The following RYR2 variants were observed in gnomAD, a reference collection of about 807,000 sequenced individuals.
RYR2 encodes ryanodine receptor 2.
RYR2 carries 227 observed loss-of-function variants against 601.1 expected under a neutral mutation model. That is an observed-to-expected ratio of 0.38 (90% CI 0.34 to 0.42). The LOEUF (loss-of-function observed/expected upper bound fraction) is 0.42, where lower values mean the gene tolerates loss of function less well. Ranked by LOEUF, RYR2 falls within the 10% of genes least tolerant of loss-of-function variation. The pLI is 1.00. For missense variants in RYR2, 4,646 were observed against 6,156.5 expected (o/e 0.75, Z 8.21); for synonymous variants, 2,223 against 2,175.1 (o/e 1.02, Z -0.61).
At chr1:237,814,072 A>T (rs1179323748) in intron 100 of RYR2, among the ~76,000 whole-genome samples, 2 of 152,216 alleles carry the variant, frequency 1.3e-5, no homozygotes, top group Non-Finnish European at 2.9e-5. Context: ...AGGCCACATT[A>T]CCTAGATTGA....
Position 237,793,892 on chromosome 1 carries a change from A to C in RYR2, c.13808A>C (p.Glu4603Ala). The change falls in exon 95 of 105, where the codon GAA becomes GCA. Residue 4603 changes from glutamate to alanine, a missense_variant. Glu to Ala is a moderately radical substitution (Grantham distance 107). Transcript: ENST00000366574. ...LKVPLVIFKR[E>A]KEVARKLEFD... ...GTCCCATTGGTTATTTTTAAGCGAG[A>C]AAAGGAAGTGGCACGGAAATTGGAA... The C allele has an allele frequency of 6.2e-7, 1 of 1,609,890 alleles. No homozygotes were observed. Among genetic ancestry groups the C allele is most frequent in the Non-Finnish European group, 8.5e-7 (1 of 1,176,440 alleles).
intron 89 of RYR2, 67 bp from the exon 90 acceptor site, chr1:237,783,605 ATTG>A: frequency 3.3e-6 from 3 of 899,544 alleles, no homozygotes; most frequent in Non-Finnish European, 5.1e-6. Flanking sequence ...AAAGATCTAC[ATTG>A]TTATCTTCTG....
intron 12 of RYR2, among the ~76,000 whole-genome samples, chr1:237,433,765 A>G (rs577624825): frequency 1.3e-5 from 2 of 152,142 alleles, no homozygotes; most frequent in Non-Finnish European, 2.9e-5. Context: ...GAAGGCAAAC[A>G]CTTTTTAAAA....
chr1:237,273,377 T>C (rs1689906851), intron 2 of RYR2, among the ~76,000 whole-genome samples: 1 of 152,194 alleles, frequency 6.6e-6, no homozygotes, highest in African/African-American at 2.4e-5. Flanking sequence ...GCTGCTCACT[T>C]CCGGCTCTGT....
At chr1:237,598,421 A>G (rs1676123356) in intron 34 of RYR2, among the ~76,000 whole-genome samples, 1 of 152,234 alleles carries the variant, frequency 6.6e-6, no homozygotes, top group Non-Finnish European at 1.5e-5. Context: ...ATGTTAGGCC[A>G]CAAAATAAAT....
chr1:237,648,414 T>C, intron 48 of RYR2, 30 bp from the exon 49 acceptor site: 3 of 1,568,654 alleles, frequency 1.9e-6, no homozygotes, highest in Non-Finnish European at 2.6e-6. Context: ...GACACAGCCA[T>C]TGACACCAAA....
At chr1:237,156,864 G>C (rs888171035) in intron 1 of RYR2, among the ~76,000 whole-genome samples, 6 of 152,080 alleles carry the variant, frequency 3.9e-5, no homozygotes, top group African/African-American at 1.4e-4. Flanking sequence ...TTAAAATGGC[G>C]CTTATCAAAA....
chr1:237,599,663 A>C (rs1676276281), intron 34 of RYR2, among the ~76,000 whole-genome samples: 1 of 152,106 alleles, frequency 6.6e-6, no homozygotes, highest in African/African-American at 2.4e-5. Context: ...TCTACTAAAA[A>C]TACAAAAAAA....
chr1:237,302,213 C>T (rs1281290129), intron 2 of RYR2, among the ~76,000 whole-genome samples: 1 of 152,098 alleles, frequency 6.6e-6, no homozygotes, highest in African/African-American at 2.4e-5. Context: ...TTTACTGATT[C>T]ATACATTTAT....
chr1:237,465,368 C>T (rs1188496339), intron 16 of RYR2, among the ~76,000 whole-genome samples: 1 of 151,908 alleles, frequency 6.6e-6, no homozygotes, highest in African/African-American at 2.4e-5. Flanking sequence ...AATATATAAA[C>T]TTATATAATA....
chr1:237,240,665 CAAAAAAA>C (rs35984919), intron 1 of RYR2, among the ~76,000 whole-genome samples: 1 of 55,146 alleles, frequency 1.8e-5, no homozygotes, highest in African/African-American at 6.0e-5. Flanking sequence ...CTATAAAAGC[CAAAAAAA>C]AAAAAAAAAA....
rs1313696284 is a variant in RYR2 at position 237,819,454 on chromosome 1, C to T, written c.14590+262C>T. On this transcript the variant is annotated intron_variant, in intron 101 of 104. Coordinates refer to ENST00000366574, the MANE Select transcript of RYR2 (RefSeq NM_001035.3). This position sits in a 1 kb window ranked among gnomAD's most constrained non-coding sequence, Gnocchi z 4.0. ...AAAAGGCACTTTCCTTGGTTTGATT[C>T]TCACCTCTGGGTTTCAGACTCATGA... Among the ~76,000 whole-genome samples the T allele has an allele frequency of 6.6e-6, 1 of 152,164 alleles. No homozygotes were observed. The highest frequency in any genetic ancestry group is 1.5e-5 in the Non-Finnish European group (1 of 68,036).
At chr1:237,344,082 C>G (rs1294131722) in intron 3 of RYR2, among the ~76,000 whole-genome samples, 1 of 152,184 alleles carries the variant, frequency 6.6e-6, no homozygotes, top group Admixed American at 6.5e-5. Context: ...CTTGGCCTCC[C>G]AAAGTGCTGG....
At chr1:237,283,776 T>C (rs1181881869) in intron 2 of RYR2, among the ~76,000 whole-genome samples, 2 of 152,250 alleles carry the variant, frequency 1.3e-5, no homozygotes, top group African/African-American at 4.8e-5. Flanking sequence ...AGTACATTTG[T>C]AGTAATATTT....
chr1:237,707,782 T>C (rs775600540), intron 68 of RYR2, among the ~76,000 whole-genome samples: 82 of 152,142 alleles, frequency 5.4e-4, no homozygotes, highest in Non-Finnish European at 3.8e-4. Flanking sequence ...TTTGTTTGTT[T>C]GTTTATGAGA....
intron 1 of RYR2, among the ~76,000 whole-genome samples, chr1:237,200,866 A>G (rs917118123): frequency 1.3e-5 from 2 of 152,228 alleles, no homozygotes; most frequent in Non-Finnish European, 2.9e-5. Context: ...GTGTTCTGTG[A>G]CTATCTACTT....
chr1:237,774,205 CT>C (rs201499382), intron 87 of RYR2, among the ~76,000 whole-genome samples: 1,621 of 152,138 alleles, frequency 0.011, 18 homozygotes, highest in Middle Eastern at 0.02. Context: ...CAAAACTTTG[CT>C]TGATGACCAG....
rs1373580573 is a variant in RYR2 at position 237,784,598 on chromosome 1, C to T, written c.12886C>T (p.His4296Tyr). ...SYWSIFMTLL[H>Y]FVASVFRGFF... Reference sequence around the variant, plus strand: ...CTGGAGTATTTTCATGACCCTCTTGCACTTCGTGGCCAGCGTTTTCAGAGG... The same window carrying T: ...CTGGAGTATTTTCATGACCCTCTTGTACTTCGTGGCCAGCGTTTTCAGAGG... Residue 4296 changes from histidine to tyrosine, a missense_variant, in exon 90 of 105, where the codon CAC (histidine) becomes TAC (tyrosine). Transcript: ENST00000366574. The surrounding 1 kb of genome is among the most constrained non-coding windows in gnomAD (Gnocchi z 7.1). The T allele has an allele frequency of 2.5e-6, 4 of 1,613,816 alleles. No individual in the cohort carries two copies. In the Admixed American group the frequency reaches 6.7e-5, roughly 27 times the overall value.
At chr1:237,173,809 C>A (rs1017825393) in intron 1 of RYR2, among the ~76,000 whole-genome samples, 4 of 152,010 alleles carry the variant, frequency 2.6e-5, no homozygotes, top group Admixed American at 6.6e-5. Context: ...GTAATCCCAG[C>A]ACTTTGGGAG....
Sources: gnomAD v4.1 joint callset for allele counts (sites outside exome capture counted in the v4.1 genomes callset) on GRCh38, gnomAD v4.1.1 for gene constraint, Gnocchi (gnomAD v3.1) non-coding constraint, MANE v1.5 for transcripts, NCBI Gene and HGNC (gene_info 2026-07-23, HGNC 2026-07-21) for gene names.